The following PTPRM variants were observed in gnomAD, a reference collection of about 807,000 sequenced individuals.
The protein encoded by PTPRM is receptor-type tyrosine-protein phosphatase mu.
PTPRM carries 47 observed loss-of-function variants against 186.7 expected under a neutral mutation model. That is an observed-to-expected ratio of 0.25 (90% CI 0.20 to 0.32). PTPRM has a LOEUF of 0.32. Among genes scored for constraint, PTPRM ranks in the 10% least tolerant of loss-of-function variants. PTPRM has a pLI of 1.00. For synonymous variants in PTPRM, 668 were observed against 674.9 expected, an observed-to-expected ratio of 0.99 and a Z score of 0.16; for missense variants, 1,494 against 1,865.0, an observed-to-expected ratio of 0.80 and a Z score of 3.66.
intron 1 of PTPRM, among the ~76,000 whole-genome samples, chr18:7,773,581 T>G (rs557044657): frequency 0.15 from 21,857 of 150,036 alleles, 2,581 homozygotes; most frequent in African/African-American, 0.32. Flanking sequence ...TTTTTTTTTT[T>G]TTTTTTTGTT....
intron 9 of PTPRM, among the ~76,000 whole-genome samples, chr18:8,081,816 C>G (rs681491): frequency 0.65 from 98,543 of 151,970 alleles, 32,214 homozygotes; most frequent in African/African-American, 0.72. Flanking sequence ...GTTTGTTAGG[C>G]GTGAGGGAGA....
At chr18:8,390,699 C>T (rs554602707) in intron 31 of PTPRM, among the ~76,000 whole-genome samples, 2 of 152,212 alleles carry the variant, frequency 1.3e-5, no homozygotes, top group Admixed American at 6.5e-5. Flanking sequence ...GAGGCTGAGG[C>T]GGGTGGATCA....
At chr18:7,779,691 C>T (rs1473925433) in intron 2 of PTPRM, among the ~76,000 whole-genome samples, 2 of 152,206 alleles carry the variant, frequency 1.3e-5, no homozygotes, top group African/African-American at 2.4e-5. Flanking sequence ...GGCTTGAAGA[C>T]TTTTCCCCTC....
intron 1 of PTPRM, among the ~76,000 whole-genome samples, chr18:7,639,662 G>T (rs1490025406): frequency 6.6e-6 from 1 of 152,170 alleles, no homozygotes; most frequent in Non-Finnish European, 1.5e-5. Flanking sequence ...AAAGTGCTGG[G>T]ATTACAGGCT....
At chr18:7,835,751 A>G (rs188764378) in intron 2 of PTPRM, among the ~76,000 whole-genome samples, 159 of 152,100 alleles carry the variant, frequency 1.0e-3, no homozygotes, top group Non-Finnish European at 1.8e-3. Flanking sequence ...GGGTACTTCA[A>G]TGTTGGGCCC....
chr18:7,947,726 A>C (rs928688931), intron 5 of PTPRM, among the ~76,000 whole-genome samples: 8 of 152,048 alleles, frequency 5.3e-5, no homozygotes, highest in African/African-American at 1.9e-4. Context: ...TTTACCCTTC[A>C]GATCTCAACT....
At chr18:8,345,673 A>T (rs1374587338) in intron 23 of PTPRM, among the ~76,000 whole-genome samples, 1 of 151,092 alleles carries the variant, frequency 6.6e-6, no homozygotes, top group Admixed American at 6.6e-5. Flanking sequence ...ATATATAAAA[A>T]TACATAAATT....
intron 1 of PTPRM, among the ~76,000 whole-genome samples, chr18:7,664,819 C>G (rs1940347): frequency 0.29 from 43,376 of 151,798 alleles, 8,392 homozygotes; most frequent in African/African-American, 0.54. Context: ...TGTATTTTTA[C>G]AAAATACTAT....
chr18:7,574,006 G>A (rs2036625808), intron 1 of PTPRM, among the ~76,000 whole-genome samples: 1 of 152,296 alleles, frequency 6.6e-6, no homozygotes. Flanking sequence ...GATGAGGCCC[G>A]GCAATCTGTG....
At chr18:8,337,669 T>C (rs529922563) in intron 22 of PTPRM, among the ~76,000 whole-genome samples, 20 of 151,614 alleles carry the variant, frequency 1.3e-4, no homozygotes, top group Admixed American at 2.6e-4. Context: ...TCCACTTGGG[T>C]CTTGGAAAAG....
At chr18:8,248,078 G>C in intron 16 of PTPRM, 72 bp from the exon 17 acceptor site, 1 of 1,409,358 alleles carries the variant, frequency 7.1e-7, no homozygotes, top group African/African-American at 1.4e-5. Flanking sequence ...ATAGGGGTGG[G>C]CATTCATCAA....
At chr18:8,111,531 T>C (rs886977032) in intron 11 of PTPRM, among the ~76,000 whole-genome samples, 1 of 151,720 alleles carries the variant, frequency 6.6e-6, no homozygotes, top group Admixed American at 6.6e-5. Flanking sequence ...GAGAATGGCG[T>C]GAACCCAGGA....
intron 3 of PTPRM, among the ~76,000 whole-genome samples, chr18:7,892,042 A>G (rs1345630233): frequency 6.6e-6 from 1 of 152,188 alleles, no homozygotes; most frequent in Non-Finnish European, 1.5e-5. Context: ...GAATGTTCCC[A>G]CTGCCCCTCT....
chr18:8,370,945 T>C lies in PTPRM; in HGVS notation c.3110T>C (p.Val1037Ala). Reference protein sequence around the residue: ...DDTEIYKDIKVTLIETELLAE... With the variant: ...DDTEIYKDIKATLIETELLAE... ...ACAGAGATATATAAAGACATTAAAG[T>C]TACCCTAATAGAAACAGAACTACTG... The change falls in exon 24 of 33, where the codon GTT becomes GCT. Residue 1037 changes from valine (V) to alanine (A), a missense_variant. Around this residue, in one of 3 missense-constraint regions of PTPRM, gnomAD observed 1,107 missense variants for 1,350.2 expected, o/e 0.82. Coordinates refer to ENST00000580170, the MANE Select transcript of PTPRM (RefSeq NM_001105244.2). 6.2e-7 allele frequency: 1 copy of C among 1,609,412 alleles called. No individual in the cohort carries two copies. Among genetic ancestry groups the C allele is most frequent in the Non-Finnish European group, 8.5e-7 (1 of 1,176,430 alleles).
intron 7 of PTPRM, among the ~76,000 whole-genome samples, chr18:7,974,173 A>G (rs1262054679): frequency 1.3e-5 from 2 of 152,206 alleles, no homozygotes; most frequent in East Asian, 3.8e-4. Context: ...GAGTAGGCAC[A>G]ACTGAGTCAC....
intron 3 of PTPRM, among the ~76,000 whole-genome samples, chr18:7,901,507 C>T (rs1190553864): frequency 2.0e-5 from 3 of 152,140 alleles, no homozygotes; most frequent in Non-Finnish European, 4.4e-5. Context: ...GCTGGGACTA[C>T]AGGCGCCCGC....
At chr18:7,652,331 G>A (rs985044041) in intron 1 of PTPRM, among the ~76,000 whole-genome samples, 4 of 152,100 alleles carry the variant, frequency 2.6e-5, no homozygotes, top group African/African-American at 9.7e-5. Flanking sequence ...CAACCATTGT[G>A]GAAGTCAGTG....
At chr18:7,657,960 G>T (rs2038889961) in intron 1 of PTPRM, among the ~76,000 whole-genome samples, 1 of 152,092 alleles carries the variant, frequency 6.6e-6, no homozygotes, top group African/African-American at 2.4e-5. Context: ...TGTACATCAT[G>T]ATGTTTCGAT....
chr18:8,064,113 A>G (rs2148394810), intron 7 of PTPRM, among the ~76,000 whole-genome samples: 1 of 152,306 alleles, frequency 6.6e-6, no homozygotes, highest in South Asian at 2.1e-4. Context: ...TTCAAATATG[A>G]TGGAAGTTTA....
Sources: gnomAD v4.1 joint callset for allele counts (sites outside exome capture counted in the v4.1 genomes callset) on GRCh38, gnomAD v4.1.1 for gene constraint, gnomAD v4.1.1 regional missense constraint, MANE v1.5 for transcripts, NCBI Gene and HGNC (gene_info 2026-07-23, HGNC 2026-07-21) for gene names.